The following CAMTA1 variants were observed in gnomAD, a reference collection of about 807,000 sequenced individuals.
CAMTA1 encodes calmodulin-binding transcription activator 1.
CAMTA1 carries 27 observed loss-of-function variants against 170.9 expected under a neutral mutation model. That is an observed-to-expected ratio of 0.16 (90% CI 0.12 to 0.22). The LOEUF is 0.22. Ranked by LOEUF, CAMTA1 falls within the 10% of genes least tolerant of loss-of-function variation. The pLI is 1.00. For missense variants in CAMTA1, 1,619 were observed against 2,217.2 expected (o/e 0.73, Z 5.42); for synonymous variants, 833 against 891.5 (o/e 0.93, Z 1.17).
chr1:6,956,152 C>T (rs1689421568), intron 3 of CAMTA1, among the ~76,000 whole-genome samples: 1 of 152,182 alleles, frequency 6.6e-6, no homozygotes, highest in Admixed American at 6.5e-5. Flanking sequence ...CGGCAGCTCT[C>T]CATGGAAGCA....
Position 7,276,303 on chromosome 1 carries a change from A to ATAATTTTT in CAMTA1, c.438+26678_438+26679insAATTTTTT. 2.1e-4 allele frequency among the ~76,000 whole-genome samples: 5 copies of ATAATTTTT among 24,228 alleles called. 1 individual carries two copies. The highest frequency in any genetic ancestry group is 1.5e-3 in the African/African-American group (5 of 3,362). The allele number at this position is 24,228 out of a possible 152,430, so 15.9% of individuals were successfully genotyped here. A position where few individuals can be genotyped will look rare whatever the true frequency, so the allele number is the denominator to read the frequency against. On this transcript the variant is annotated intron_variant, in intron 5 of 22. Coordinates refer to ENST00000303635, the MANE Select transcript of CAMTA1 (RefSeq NM_015215.4). ...CATATATATATATATATATATATAT[A>ATAATTTTT]TTTTTTTTTTTTTTTTTTCTTTTTG...
intron 5 of CAMTA1, among the ~76,000 whole-genome samples, chr1:7,270,408 C>T (rs1346108186): frequency 6.6e-6 from 1 of 151,390 alleles, no homozygotes; most frequent in Non-Finnish European, 1.5e-5. Flanking sequence ...GATTCTCCTG[C>T]CTCACCCTCC....
intron 1 of CAMTA1, among the ~76,000 whole-genome samples, chr1:6,789,783 A>G (rs1640496068): frequency 7.2e-6 from 1 of 139,022 alleles, no homozygotes. Flanking sequence ...AGCCTTTTAT[A>G]TTAATGACAT....
At position 7,562,326 on chromosome 1, in the gene CAMTA1, C is replaced by T. The variant is rs756251173; in HGVS notation, c.511-78074C>T. Among the ~76,000 whole-genome samples the T allele has an allele frequency of 6.6e-6, 1 of 152,210 alleles. No homozygotes were observed. Among genetic ancestry groups the T allele is most frequent in the East Asian group, 1.9e-4 (1 of 5,194 alleles). ...TGTAAAGGCACTAAGCTGTTTAATTCGGTGCTTCCTGCATCGTTGGGCAGT... is the reference window on the plus strand; with the variant it reads ...TGTAAAGGCACTAAGCTGTTTAATTTGGTGCTTCCTGCATCGTTGGGCAGT... On this transcript the variant is annotated intron_variant, in intron 6 of 22. Transcript: ENST00000303635. The surrounding 1 kb of genome is among the most constrained non-coding windows in gnomAD (Gnocchi z 4.8).
At chr1:7,688,684 C>A (rs1358675021) in intron 11 of CAMTA1, among the ~76,000 whole-genome samples, 2 of 152,232 alleles carry the variant, frequency 1.3e-5, no homozygotes, top group Non-Finnish European at 2.9e-5. Context: ...CAGTCCAATG[C>A]TCAGCCTCTA....
At chr1:6,913,710 G>A (rs1243998590) in intron 3 of CAMTA1, among the ~76,000 whole-genome samples, 1 of 152,104 alleles carries the variant, frequency 6.6e-6, no homozygotes, top group Non-Finnish European at 1.5e-5. Context: ...TGGTGCTGAG[G>A]AAGGTCCTCA....
intron 6 of CAMTA1, among the ~76,000 whole-genome samples, chr1:7,545,328 G>A (rs959186893): frequency 6.6e-6 from 1 of 152,130 alleles, no homozygotes; most frequent in African/African-American, 2.4e-5. Flanking sequence ...CATTTTCTCT[G>A]ACAAAACCAC....
intron 4 of CAMTA1, among the ~76,000 whole-genome samples, chr1:7,121,325 A>G (rs531662707): frequency 6.6e-6 from 1 of 152,360 alleles, no homozygotes; most frequent in East Asian, 1.9e-4. Flanking sequence ...GATGGGTGCT[A>G]TAGACAGTCA....
At chr1:6,796,132 C>CT (rs978363793) in intron 1 of CAMTA1, among the ~76,000 whole-genome samples, 3,525 of 71,044 alleles carry the variant, frequency 0.05, 813 homozygotes, top group African/African-American at 0.11. Flanking sequence ...AATAGCATTT[C>CT]TTTTTTTTTT....
chr1:7,522,055 G>A (rs2149980532), intron 6 of CAMTA1, among the ~76,000 whole-genome samples: 1 of 152,334 alleles, frequency 6.6e-6, no homozygotes, highest in East Asian at 1.9e-4. Context: ...TGTGGTAGCT[G>A]CAGATTTAGC....
chr1:6,906,318 CCA>C (rs1166289397), intron 3 of CAMTA1, among the ~76,000 whole-genome samples: 3 of 152,102 alleles, frequency 2.0e-5, no homozygotes, highest in African/African-American at 7.2e-5. Context: ...AATACTGAGC[CCA>C]GTGCATTTGT....
chr1:7,236,674 G>T (rs1046615456), intron 4 of CAMTA1, among the ~76,000 whole-genome samples: 1 of 152,154 alleles, frequency 6.6e-6, no homozygotes, highest in Non-Finnish European at 1.5e-5. Context: ...ATGGAACATG[G>T]GTGTAAAGGG....
Position 7,664,257 on chromosome 1 carries a change from G to A in CAMTA1, c.1710G>A (p.Pro570=), listed in dbSNP as rs372631678. The A allele has an allele frequency of 2.4e-5, 38 of 1,612,502 alleles. No homozygotes were observed. Among genetic ancestry groups the A allele is most frequent in the African/African-American group, 1.9e-4 (14 of 74,936 alleles). The part of the protein sequence containing the change: ...LTLTAGSSLL[P]SGGGLSPSTT... The stretch of plus-strand genomic sequence containing the variant: ...TGACCGCCGGCTCCAGCCTCCTGCC[G>A]TCGGGCGGCGGCCTGAGTCCCAGCA... The change falls in exon 9 of 23, where the codon CCG becomes CCA. Residue 570 remains proline, a synonymous_variant. Transcript: ENST00000303635.
At chr1:7,661,640 G>A in intron 7 of CAMTA1, 86 bp from the exon 8 acceptor site, 1 of 1,470,172 alleles carries the variant, frequency 6.8e-7, no homozygotes, top group Non-Finnish European at 9.4e-7. Flanking sequence ...TGCCCTCAGG[G>A]AGGGCCTGGG....
chr1:7,468,975 G>A (rs996381613), intron 6 of CAMTA1, among the ~76,000 whole-genome samples: 7 of 152,208 alleles, frequency 4.6e-5, no homozygotes, highest in African/African-American at 7.2e-5. Context: ...CCACAGGGCC[G>A]GAGCCATGTC....
At chr1:7,235,571 G>C (rs1222887556) in intron 4 of CAMTA1, among the ~76,000 whole-genome samples, 2 of 152,218 alleles carry the variant, frequency 1.3e-5, no homozygotes, top group Non-Finnish European at 2.9e-5. Context: ...AGGTTGCAGT[G>C]AGCAGAGATC....
rs767725186 is a variant in CAMTA1 at position 7,663,398 on chromosome 1, G to T, written c.851G>T (p.Arg284Leu). 1 of 1,543,164 alleles carries T rather than the reference G, an allele frequency of 6.5e-7. No homozygotes were observed. Among genetic ancestry groups the T allele is most frequent in the South Asian group, 1.2e-5 (1 of 80,366 alleles). ...VHHKCNSAKH[R>L]IISPKVEPRT... ...CACAAGTGTAACAGCGCCAAACACC[G>T]CATCATCTCGCCCAAGGTGGAGCCA... The change falls in exon 9 of 23, where the codon CGC becomes CTC. Residue 284 changes from arginine (R) to leucine (L), a missense_variant. By Grantham distance (102) the Arg-to-Leu change is moderately radical (BLOSUM62 -2). Transcript: ENST00000303635.
At chr1:6,987,793 G>A (rs1159275441) in intron 3 of CAMTA1, among the ~76,000 whole-genome samples, 3 of 152,100 alleles carry the variant, frequency 2.0e-5, no homozygotes, top group Admixed American at 6.6e-5. Flanking sequence ...TTTTGGTCCC[G>A]GGAATCCAGG....
rs906741562 is a variant in CAMTA1 at position 7,216,057 on chromosome 1, C to T, written c.303-33434C>T. On this transcript the variant is annotated intron_variant, in intron 4 of 22. Transcript: ENST00000303635. The surrounding 1 kb of genome is among the most constrained non-coding windows in gnomAD (Gnocchi z 4.0). ...TTGACTCATGGTTCCACAGGCTTTACAGGAAGCATGGCTGGGGAGACCTCA... is the reference window on the plus strand; with the variant it reads ...TTGACTCATGGTTCCACAGGCTTTATAGGAAGCATGGCTGGGGAGACCTCA... Among the ~76,000 whole-genome samples, 2 of 152,170 alleles carry T rather than the reference C, an allele frequency of 1.3e-5. No individual in the cohort carries two copies. Among genetic ancestry groups the T allele is most frequent in the African/African-American group, 4.8e-5 (2 of 41,444 alleles).
Sources: gnomAD v4.1 joint callset for allele counts (sites outside exome capture counted in the v4.1 genomes callset) on GRCh38, gnomAD v4.1.1 for gene constraint, Gnocchi (gnomAD v3.1) non-coding constraint, MANE v1.5 for transcripts, NCBI Gene and HGNC (gene_info 2026-07-23, HGNC 2026-07-21) for gene names.